Variants in ZNF536 observed in about 807,000 individuals in gnomAD.
ZNF536 encodes the protein zinc finger protein 536.
Under a neutral mutation model 84.5 loss-of-function variants are expected in ZNF536, and 13 were observed. That is an observed-to-expected ratio of 0.15 (90% CI 0.10 to 0.24). The LOEUF is 0.24. Among genes scored for constraint, ZNF536 ranks in the 10% least tolerant of loss-of-function variants. The pLI, the probability that ZNF536 is intolerant of heterozygous loss-of-function variation, is 1.00. For synonymous variants in ZNF536, 811 were observed against 742.5 expected (o/e 1.09, Z -1.50); for missense variants, 1,536 against 1,747.5 (o/e 0.88, Z 2.16).
intron 2 of ZNF536, among the ~76,000 whole-genome samples, chr19:30,467,636 T>C (rs547506070): frequency 6.6e-6 from 1 of 152,330 alleles, no homozygotes; most frequent in South Asian, 2.1e-4. Flanking sequence ...TTTGAACCCA[T>C]GAAGGCCATT....
intron 2 of ZNF536, among the ~76,000 whole-genome samples, chr19:30,493,128 A>T (rs1358500892): frequency 2.1e-5 from 2 of 97,046 alleles, no homozygotes; most frequent in Admixed American, 1.6e-4. Flanking sequence ...CCCATCCCTC[A>T]GTGCACATAG....
intron 1 of ZNF536, among the ~76,000 whole-genome samples, chr19:30,656,452 T>C (rs1245108478): frequency 1.3e-5 from 2 of 152,188 alleles, no homozygotes; most frequent in Non-Finnish European, 2.9e-5. Context: ...CGTTGCACCA[T>C]CTCTACCCTG....
At chr19:30,559,893 A>G (rs1291792853), downstream of ZNF536, among the ~76,000 whole-genome samples, 2 of 152,044 alleles carry the variant, frequency 1.3e-5, no homozygotes, top group Non-Finnish European at 2.9e-5. Context: ...AGCAGGGGGT[A>G]TTTCCTGAGT....
At chr19:30,346,705 A>G (rs2047753927) in intron 2 of ZNF536, among the ~76,000 whole-genome samples, 1 of 152,196 alleles carries the variant, frequency 6.6e-6, no homozygotes, top group South Asian at 2.1e-4. Flanking sequence ...ATAGTATTCC[A>G]TGGTGTGTAT....
At chr19:30,443,250 G>C (rs979368601) in intron 1 of ZNF536, among the ~76,000 whole-genome samples, 84 of 152,128 alleles carry the variant, frequency 5.5e-4, no homozygotes, top group Admixed American at 4.3e-3. Context: ...TTCACACGTA[G>C]ACCCTTGATT....
At chr19:30,313,578 C>T (rs1263204347) in intron 2 of ZNF536, among the ~76,000 whole-genome samples, 1 of 152,192 alleles carries the variant, frequency 6.6e-6, no homozygotes, top group Non-Finnish European at 1.5e-5. Context: ...CACCCTCACC[C>T]CATGACCTCC....
At chr19:30,689,717 G>A (rs185642205) in intron 1 of ZNF536, among the ~76,000 whole-genome samples, 5 of 152,174 alleles carry the variant, frequency 3.3e-5, no homozygotes, top group Admixed American at 1.3e-4. Context: ...CAGCGTTCCC[G>A]TGTGTCCCGT....
intron 1 of ZNF536, among the ~76,000 whole-genome samples, chr19:30,674,854 T>C (rs1461474735): frequency 1.3e-5 from 2 of 152,142 alleles, no homozygotes; most frequent in Admixed American, 1.3e-4. Flanking sequence ...TGCTCAGAGA[T>C]GGTCCTTCCA....
intron 1 of ZNF536, among the ~76,000 whole-genome samples, chr19:30,691,252 A>AC (rs979424299): frequency 6.6e-6 from 1 of 151,804 alleles, no homozygotes; most frequent in Non-Finnish European, 1.5e-5. Flanking sequence ...CCGCTGGCCC[A>AC]CCCCCCACAT....
At chr19:30,644,218 T>G (rs1432679798) in intron 1 of ZNF536, among the ~76,000 whole-genome samples, 3 of 152,184 alleles carry the variant, frequency 2.0e-5, no homozygotes, top group Non-Finnish European at 4.4e-5. Context: ...TGCTTAGCTG[T>G]TTCTCTTTAT....
intron 1 of ZNF536, among the ~76,000 whole-genome samples, chr19:30,646,954 A>G (rs1188776275): frequency 6.6e-6 from 1 of 152,146 alleles, no homozygotes; most frequent in African/African-American, 2.4e-5. Flanking sequence ...AATGCTCACA[A>G]GTACCCTTGG....
At chr19:30,443,003 A>T (rs1043624035) in intron 1 of ZNF536, among the ~76,000 whole-genome samples, 3 of 149,346 alleles carry the variant, frequency 2.0e-5, no homozygotes, top group Non-Finnish European at 4.4e-5. Context: ...TTGTTTTATT[A>T]TGTACCAGTA....
chr19:30,658,840 G>A (rs983743341), intron 1 of ZNF536, among the ~76,000 whole-genome samples: 1 of 152,154 alleles, frequency 6.6e-6, no homozygotes, highest in African/African-American at 2.4e-5. Context: ...AAGAGAAGAG[G>A]TTCAGCACAT....
At chr19:30,549,610 C>T (rs1234880561) in intron 4 of ZNF536, 96 bp downstream of exon 4, 10 of 1,345,272 alleles carry the variant, frequency 7.4e-6, no homozygotes, top group Non-Finnish European at 2.9e-6. Flanking sequence ...CCATGAGCAA[C>T]TTTTGAATGA....
intron 1 of ZNF536, among the ~76,000 whole-genome samples, chr19:30,414,032 G>T (rs1215858664): frequency 6.9e-6 from 1 of 144,508 alleles, no homozygotes; most frequent in African/African-American, 2.6e-5. Context: ...GGTGGAGGTT[G>T]CAGTGAGCCG....
At chr19:30,339,211 G>T (rs556530691) in intron 2 of ZNF536, among the ~76,000 whole-genome samples, 5 of 152,164 alleles carry the variant, frequency 3.3e-5, no homozygotes, top group Admixed American at 6.5e-5. Context: ...TTTGGAATCC[G>T]CACGGAATTG....
intron 1 of ZNF536, among the ~76,000 whole-genome samples, chr19:30,247,420 G>C (rs956743904): frequency 2.6e-5 from 4 of 152,204 alleles, no homozygotes; most frequent in Middle Eastern, 6.3e-3. Context: ...AGCTCCACCT[G>C]GAGAGGCAGC....
At chr19:30,383,695 T>TTC (rs2049131478) in intron 1 of ZNF536, among the ~76,000 whole-genome samples, 1 of 7,958 alleles carries the variant, frequency 1.3e-4, no homozygotes, top group South Asian at 3.5e-3. Context: ...TTCCTTTCTT[T>TTC]TCTTTCTCTT....
upstream of ZNF536, among the ~76,000 whole-genome samples, chr19:30,368,304 T>G (rs2146983127): frequency 6.6e-6 from 1 of 152,356 alleles, no homozygotes; most frequent in South Asian, 2.1e-4. Context: ...TGACCATATC[T>G]TTCCTCTCAT....
Sources: allele counts gnomAD v4.1 joint callset (sites outside exome capture counted in the v4.1 genomes callset), GRCh38; gene constraint gnomAD v4.1.1; transcripts MANE v1.5; gene names NCBI Gene and HGNC (gene_info 2026-07-23, HGNC 2026-07-21).